Variants in DIRAS2 observed in about 807,000 individuals in gnomAD.
DIRAS2 encodes the protein DIRAS family GTPase 2, also known as GTP-binding protein Di-Ras2.
In DIRAS2, 5 loss-of-function variants were observed where a neutral mutation model predicts 13.9. The ratio of observed to expected loss-of-function variants is 0.36; its 90% confidence interval spans 0.19 to 0.76. The LOEUF is 0.76. Ranked by LOEUF, DIRAS2 falls within the 30% of genes least tolerant of loss-of-function variation. DIRAS2 has a pLI of 0.53. For missense variants in DIRAS2, 191 were observed against 263.0 expected (o/e 0.73, Z 1.89); for synonymous variants, 111 against 105.4 (o/e 1.05, Z -0.33).
At chr9:90,640,321 A>G (rs147224172) in intron 1 of DIRAS2, among the ~76,000 whole-genome samples, 2 of 152,330 alleles carry the variant, frequency 1.3e-5, no homozygotes, top group East Asian at 3.9e-4. Context: ...AGAGCAAAGA[A>G]GGAGAGAATG....
chr9:90,630,123 A>G (rs974035110), intron 1 of DIRAS2, among the ~76,000 whole-genome samples: 1 of 152,026 alleles, frequency 6.6e-6, no homozygotes, highest in Non-Finnish European at 1.5e-5. Context: ...TCTTTGTCTC[A>G]GTCAATAGCA....
chr9:90,624,897 G>A (rs1825254237), intron 1 of DIRAS2, among the ~76,000 whole-genome samples: 4 of 152,136 alleles, frequency 2.6e-5, no homozygotes, highest in Admixed American at 2.0e-4. Context: ...GACGTGTTGG[G>A]CTTATAGGTG....
At chr9:90,628,166 T>C (rs928289676) in intron 1 of DIRAS2, among the ~76,000 whole-genome samples, 12 of 152,216 alleles carry the variant, frequency 7.9e-5, no homozygotes, top group African/African-American at 2.9e-4. Flanking sequence ...TTACTGACTG[T>C]GTGAAGCCAT....
At chr9:90,628,072 A>G (rs1825288899) in intron 1 of DIRAS2, among the ~76,000 whole-genome samples, 1 of 152,216 alleles carries the variant, frequency 6.6e-6, no homozygotes, top group African/African-American at 2.4e-5. Context: ...CATCTAATCC[A>G]ACAAGATGAA....
At chr9:90,615,816 T>A (rs147946264) in intron 1 of DIRAS2, among the ~76,000 whole-genome samples, 7 of 152,314 alleles carry the variant, frequency 4.6e-5, no homozygotes, top group African/African-American at 1.7e-4. Flanking sequence ...ACCTCATCTA[T>A]TCCTAAAAGC....
chr9:90,629,190 CT>C (rs761708575), intron 1 of DIRAS2, among the ~76,000 whole-genome samples: 7 of 152,162 alleles, frequency 4.6e-5, no homozygotes, highest in Non-Finnish European at 1.0e-4. Context: ...CATCTTTTTA[CT>C]TTTTAAAATG....
rs1825132605 is a variant in DIRAS2 at position 90,613,200 on chromosome 9, ACAGCTGCTCCTCC to A, written c.*15_*27del. On this transcript the variant is annotated 3_prime_UTR_variant, in exon 2 of 2. Coordinates refer to ENST00000375765, the MANE Select transcript of DIRAS2 (RefSeq NM_017594.5). The surrounding 1 kb of genome is among the most constrained non-coding windows in gnomAD (Gnocchi z 5.6). ...TGGGGGAGTGAGGTGCCGGGGACAC[ACAGCTGCTCCTCC>A]CGCAGGAAGGGCCTTCACATGATCA... is the stretch of plus-strand genomic sequence containing the variant. The A allele has an allele frequency of 1.3e-5, 20 of 1,589,216 alleles. No individual in the cohort carries two copies. Among genetic ancestry groups the A allele is most frequent in the Non-Finnish European group, 1.7e-5 (20 of 1,166,656 alleles).
At chr9:90,634,144 A>T (rs371797289) in intron 1 of DIRAS2, among the ~76,000 whole-genome samples, 1 of 152,148 alleles carries the variant, frequency 6.6e-6, no homozygotes, top group Non-Finnish European at 1.5e-5. Flanking sequence ...AAGGGTGTCC[A>T]GTCCAGAAAA....
chr9:90,627,572 C>T (rs556745481), intron 1 of DIRAS2, among the ~76,000 whole-genome samples: 7 of 152,072 alleles, frequency 4.6e-5, no homozygotes, highest in South Asian at 2.1e-4. Flanking sequence ...TTGGGTTTTG[C>T]GAGATGAAAA....
At position 90,611,465 on chromosome 9, in the gene DIRAS2, A is replaced by G. The variant is rs1284504215; in HGVS notation, c.*1763T>C. Reference sequence around the variant, plus strand: ...CCCAAGGGTGAGTTATTGGGAGACCAGAGAGGATGAGATCAGGACAAGGGA... The same window carrying G: ...CCCAAGGGTGAGTTATTGGGAGACCGGAGAGGATGAGATCAGGACAAGGGA... On this transcript the variant is annotated 3_prime_UTR_variant, in exon 2 of 2. Coordinates refer to ENST00000375765, the MANE Select transcript of DIRAS2 (RefSeq NM_017594.5). 6.6e-6 allele frequency: 1 copy of G among 152,442 alleles called. No homozygotes were observed. The highest frequency in any genetic ancestry group is 2.4e-5 in the African/African-American group (1 of 41,466). 9.4% of individuals were successfully genotyped at this position (152,442 alleles called of 1,614,324 possible).
intron 1 of DIRAS2, among the ~76,000 whole-genome samples, chr9:90,628,760 T>C (rs1287753716): frequency 6.6e-6 from 1 of 152,216 alleles, no homozygotes; most frequent in African/African-American, 2.4e-5. Context: ...TTGTCCAGTC[T>C]GGTCTCGAAA....
chr9:90,642,543 T>G (rs912999187), intron 1 of DIRAS2, among the ~76,000 whole-genome samples: 1 of 152,108 alleles, frequency 6.6e-6, no homozygotes, highest in African/African-American at 2.4e-5. Context: ...AAAGAACATG[T>G]TTTAGACAAG....
rs766251674 is a variant in DIRAS2, at chr9:90,613,214, C to T, written c.*14G>A. The T allele has an allele frequency of 3.7e-6, 6 of 1,600,094 alleles. No homozygotes were observed. The South Asian group carries it at 5.6e-5, about 15-fold the overall frequency. On this transcript the variant is annotated 3_prime_UTR_variant, in exon 2 of 2. Coordinates refer to ENST00000375765, the MANE Select transcript of DIRAS2 (RefSeq NM_017594.5). This position sits in a 1 kb window ranked among gnomAD's most constrained non-coding sequence, Gnocchi z 5.6. ...GCCGGGGACACACAGCTGCTCCTCC[C>T]GCAGGAAGGGCCTTCACATGATCAC...
At chr9:90,638,701 G>A (rs1463195286) in intron 1 of DIRAS2, among the ~76,000 whole-genome samples, 1 of 151,276 alleles carries the variant, frequency 6.6e-6, no homozygotes, top group East Asian at 1.9e-4. Flanking sequence ...TGATAAGGCT[G>A]GGGAGATGAG....
Position 90,628,538 on chromosome 9 carries a change from C to T in DIRAS2, c.-37+14214G>A, listed in dbSNP as rs1237457518. ...CAAAATTTATACACACACACACACACACACACACACACACGTATTTTTTTT... is the reference window on the plus strand; with the variant it reads ...CAAAATTTATACACACACACACACATACACACACACACACGTATTTTTTTT... On this transcript the variant is annotated intron_variant, in intron 1 of 1. Transcript: ENST00000375765. Among the ~76,000 whole-genome samples the T allele has an allele frequency of 2.6e-5, 4 of 151,922 alleles. No homozygotes were observed. The East Asian group carries it at 7.7e-4, about 29-fold the overall frequency.
rs970464360 is a variant in DIRAS2, at chr9:90,610,537, C to T, written c.*2691G>A. On this transcript the variant is annotated 3_prime_UTR_variant, in exon 2 of 2. Transcript: ENST00000375765. ...TTAATTAAATATTAACTTATTCTGC[C>T]TGGGTCAAAAACTGCTATGCCCATA... 1 of 397,834 alleles carries T rather than the reference C, an allele frequency of 2.5e-6. No homozygotes were observed. The highest frequency in any genetic ancestry group is 4.4e-6 in the Non-Finnish European group (1 of 225,634). The allele number at this position is 397,834 out of a possible 1,614,324, so 24.6% of individuals were successfully genotyped here.
At chr9:90,624,095 T>C (rs1825246234) in intron 1 of DIRAS2, among the ~76,000 whole-genome samples, 1 of 152,254 alleles carries the variant, frequency 6.6e-6, no homozygotes. Flanking sequence ...TGAAATGTTA[T>C]TAGCTTTAAA....
intron 1 of DIRAS2, among the ~76,000 whole-genome samples, chr9:90,631,160 TGA>T (rs1825321266): frequency 6.6e-6 from 1 of 152,270 alleles, no homozygotes; most frequent in African/African-American, 2.4e-5. Context: ...AGCAAAAATT[TGA>T]GAGAGGTAAT....
At chr9:90,620,747 A>T (rs991641959) in intron 1 of DIRAS2, among the ~76,000 whole-genome samples, 6 of 152,092 alleles carry the variant, frequency 3.9e-5, no homozygotes, top group African/African-American at 1.4e-4. Flanking sequence ...GTCTCAAAAA[A>T]AAAAAGAAAG....
Sources: gnomAD v4.1 joint callset for allele counts (sites outside exome capture counted in the v4.1 genomes callset) on GRCh38, gnomAD v4.1.1 for gene constraint, Gnocchi (gnomAD v3.1) non-coding constraint, MANE v1.5 for transcripts, NCBI Gene and HGNC (gene_info 2026-07-23, HGNC 2026-07-21) for gene names.